Variants in ZNF521 observed in about 807,000 individuals in gnomAD.
ZNF521 encodes LYST-interacting protein 3.
In ZNF521, 14 loss-of-function variants were observed where a neutral mutation model predicts 105.5. That is an observed-to-expected ratio of 0.13 (90% CI 0.09 to 0.21). The LOEUF (loss-of-function observed/expected upper bound fraction) is 0.21. Ranked by LOEUF, ZNF521 falls within the 10% of genes least tolerant of loss-of-function variation. The pLI is 1.00. For synonymous variants in ZNF521, 635 were observed against 606.0 expected, an observed-to-expected ratio of 1.05 and a Z score of -0.70; for missense variants, 1,233 against 1,629.7, an observed-to-expected ratio of 0.76 and a Z score of 4.19.
chr18:25,187,523 C>T (rs185319772), intron 5 of ZNF521, among the ~76,000 whole-genome samples: 60 of 152,096 alleles, frequency 3.9e-4, no homozygotes, highest in Non-Finnish European at 7.6e-4. Context: ...GCAAGCAGGC[C>T]CTTTTATCAA....
intron 2 of ZNF521, among the ~76,000 whole-genome samples, chr18:25,325,015 T>A (rs1168928317): frequency 6.6e-6 from 1 of 152,236 alleles, no homozygotes; most frequent in Admixed American, 6.5e-5. Flanking sequence ...TCACTTCTGC[T>A]GCAACTTTAG....
intron 7 of ZNF521, among the ~76,000 whole-genome samples, chr18:25,063,854 C>A (rs1357766110): frequency 1.3e-5 from 2 of 152,138 alleles, no homozygotes; most frequent in Non-Finnish European, 2.9e-5. Context: ...AACCTTGGGG[C>A]CCAGCTCAAA....
At chr18:25,104,055 G>A (rs2034023612) in intron 5 of ZNF521, among the ~76,000 whole-genome samples, 1 of 152,058 alleles carries the variant, frequency 6.6e-6, no homozygotes, top group Admixed American at 6.6e-5. Flanking sequence ...GTTATGGAGT[G>A]CTCTTTCTCC....
chr18:25,244,987 T>C (rs1324247780), intron 3 of ZNF521, among the ~76,000 whole-genome samples: 1 of 152,254 alleles, frequency 6.6e-6, no homozygotes, highest in Non-Finnish European at 1.5e-5. Context: ...AACCAGCTTA[T>C]TAAATTAACT....
At chr18:25,172,061 A>G (rs1020676381) in intron 5 of ZNF521, among the ~76,000 whole-genome samples, 1 of 152,086 alleles carries the variant, frequency 6.6e-6, no homozygotes, top group Non-Finnish European at 1.5e-5. Context: ...TGGAGAGTAC[A>G]TGTATTAATT....
chr18:25,111,558 T>C (rs534313313), intron 5 of ZNF521, among the ~76,000 whole-genome samples: 1 of 152,352 alleles, frequency 6.6e-6, no homozygotes, highest in Admixed American at 6.5e-5. Flanking sequence ...AACTGCTACA[T>C]AATATCTGAC....
chr18:25,233,747 G>A (rs1452873476), intron 3 of ZNF521, among the ~76,000 whole-genome samples: 3 of 147,314 alleles, frequency 2.0e-5, no homozygotes, highest in African/African-American at 7.5e-5. Flanking sequence ...CACTTCAGAT[G>A]AGCCAACAAA....
At chr18:25,341,960 C>T (rs937183221) in intron 2 of ZNF521, among the ~76,000 whole-genome samples, 24 of 152,212 alleles carry the variant, frequency 1.6e-4, no homozygotes, top group African/African-American at 5.1e-4. Context: ...AACAAAAACC[C>T]CCAGAACTTG....
intron 2 of ZNF521, among the ~76,000 whole-genome samples, chr18:25,329,454 G>A (rs1913424179): frequency 6.6e-6 from 1 of 152,164 alleles, no homozygotes; most frequent in Non-Finnish European, 1.5e-5. Flanking sequence ...CCCAAGAAGA[G>A]CAAGTTGGGC....
At chr18:25,093,985 T>C (rs2033802271) in intron 5 of ZNF521, among the ~76,000 whole-genome samples, 1 of 152,220 alleles carries the variant, frequency 6.6e-6, no homozygotes, top group Admixed American at 6.5e-5. Flanking sequence ...CTCTATTTCC[T>C]TAATGCTACA....
chr18:25,256,472 T>C (rs531756938), intron 3 of ZNF521, among the ~76,000 whole-genome samples: 1 of 152,292 alleles, frequency 6.6e-6, no homozygotes, highest in South Asian at 2.1e-4. Flanking sequence ...AACAAAAGCA[T>C]AAATGCCTTA....
chr18:25,119,960 C>G (rs1264548278), intron 5 of ZNF521, among the ~76,000 whole-genome samples: 2 of 152,186 alleles, frequency 1.3e-5, no homozygotes, highest in East Asian at 3.9e-4. Context: ...TACAAATTAT[C>G]AGTATATCAA....
chr18:25,119,456 TCACA>T (rs752289317), intron 5 of ZNF521, among the ~76,000 whole-genome samples: 1 of 152,112 alleles, frequency 6.6e-6, no homozygotes, highest in Non-Finnish European at 1.5e-5. Context: ...AGAATTAAAA[TCACA>T]CAGAGTATGC....
intron 2 of ZNF521, among the ~76,000 whole-genome samples, chr18:25,328,402 A>AACACACACACACAC (rs57967888): frequency 7.1e-6 from 1 of 141,684 alleles, no homozygotes; most frequent in Non-Finnish European, 1.5e-5. Context: ...GGGGAGGTTA[A>AACACACACACACAC]ACACACACAC....
intron 3 of ZNF521, among the ~76,000 whole-genome samples, chr18:25,287,646 T>G (rs375981315): frequency 2.3e-4 from 35 of 152,000 alleles, no homozygotes; most frequent in African/African-American, 7.7e-4. Context: ...CAACTATTCC[T>G]TATTAATGTA....
intron 5 of ZNF521, among the ~76,000 whole-genome samples, chr18:25,122,435 T>C (rs1348695323): frequency 6.6e-6 from 1 of 152,194 alleles, no homozygotes; most frequent in Admixed American, 6.5e-5. Flanking sequence ...TTTGGTATTT[T>C]CATGGTTTTA....
intron 7 of ZNF521, among the ~76,000 whole-genome samples, chr18:25,063,591 A>G (rs1208445578): frequency 6.6e-6 from 1 of 152,128 alleles, no homozygotes; most frequent in Non-Finnish European, 1.5e-5. Flanking sequence ...GCCGGGTGGG[A>G]AAGTTGAGCT....
intron 2 of ZNF521, among the ~76,000 whole-genome samples, chr18:25,326,650 T>C (rs1913240266): frequency 6.6e-6 from 1 of 152,212 alleles, no homozygotes; most frequent in South Asian, 2.1e-4. Flanking sequence ...GCAGGCCCTC[T>C]GTCCCTCTTG....
intron 5 of ZNF521, among the ~76,000 whole-genome samples, chr18:25,188,012 T>G (rs1600134542): frequency 6.6e-6 from 1 of 152,166 alleles, no homozygotes. Flanking sequence ...GGTGCCTGAT[T>G]GGTTTTTTTG....
Sources: allele counts gnomAD v4.1 joint callset (sites outside exome capture counted in the v4.1 genomes callset), GRCh38; gene constraint gnomAD v4.1.1; transcripts MANE v1.5; gene names NCBI Gene and HGNC (gene_info 2026-07-23, HGNC 2026-07-21).